The following XRCC4 variants were observed in gnomAD, a reference collection of about 807,000 sequenced individuals.
XRCC4 encodes X-ray repair cross complementing 4, also known as DNA repair protein XRCC4.
XRCC4 carries 28 observed loss-of-function variants against 39.1 expected under a neutral mutation model. That is an observed-to-expected ratio of 0.72 (90% CI 0.53 to 0.98). XRCC4 has a LOEUF of 0.98. Among genes scored for constraint, XRCC4 ranks in the 50% least tolerant of loss-of-function variants. The probability of loss-of-function intolerance (pLI) is 0.00; values close to 1 mark genes in which losing one functional copy is unlikely to be tolerated. For missense variants in XRCC4, 350 were observed against 376.4 expected, an observed-to-expected ratio of 0.93 and a Z score of 0.58; for synonymous variants, 123 against 126.4, an observed-to-expected ratio of 0.97 and a Z score of 0.18.
At chr5:83,111,998 A>G (rs764575619) in intron 3 of XRCC4, among the ~76,000 whole-genome samples, 5 of 152,216 alleles carry the variant, frequency 3.3e-5, no homozygotes, top group Admixed American at 2.6e-4. Flanking sequence ...ATTCTTTTAA[A>G]TCAACCTTTT....
chr5:83,313,853 C>T (rs1471965102), intron 7 of XRCC4, among the ~76,000 whole-genome samples: 2 of 152,088 alleles, frequency 1.3e-5, no homozygotes, highest in Non-Finnish European at 2.9e-5. Flanking sequence ...TAGACCATAT[C>T]AGTCTCTAAA....
chr5:83,145,956 A>C (rs1003001781), intron 3 of XRCC4, among the ~76,000 whole-genome samples: 4 of 151,930 alleles, frequency 2.6e-5, no homozygotes, highest in Non-Finnish European at 4.4e-5. Context: ...CTAAAAGCAG[A>C]GCTCTATACT....
chr5:83,125,399 G>T (rs1747210210), intron 3 of XRCC4, among the ~76,000 whole-genome samples: 1 of 151,994 alleles, frequency 6.6e-6, no homozygotes, highest in Admixed American at 6.6e-5. Context: ...TTCTTTTAAA[G>T]GTTTTGTAGT....
chr5:83,223,974 A>G (rs1247473383), intron 6 of XRCC4, among the ~76,000 whole-genome samples: 1 of 151,636 alleles, frequency 6.6e-6, no homozygotes, highest in Non-Finnish European at 1.5e-5. Flanking sequence ...GCTGCATAGT[A>G]TTCTATGGTG....
At chr5:83,142,361 A>G (rs75320148) in intron 3 of XRCC4, among the ~76,000 whole-genome samples, 30 of 151,890 alleles carry the variant, frequency 2.0e-4, no homozygotes, top group East Asian at 1.2e-3. Flanking sequence ...TAATTTGTCT[A>G]CAGCCAAATA....
intron 7 of XRCC4, among the ~76,000 whole-genome samples, chr5:83,267,413 A>G (rs1017864642): frequency 1.7e-4 from 26 of 152,162 alleles, no homozygotes; most frequent in Non-Finnish European, 2.9e-5. Context: ...CTATCAACCT[A>G]GAGGCTACAA....
At chr5:83,089,096 C>T (rs1165005597) in intron 1 of XRCC4, among the ~76,000 whole-genome samples, 2 of 152,204 alleles carry the variant, frequency 1.3e-5, no homozygotes, top group African/African-American at 4.8e-5. Context: ...TAACTAAGTG[C>T]TATCAGACAC....
chr5:83,124,550 G>T (rs969729311), intron 3 of XRCC4, among the ~76,000 whole-genome samples: 10 of 152,094 alleles, frequency 6.6e-5, no homozygotes, highest in African/African-American at 2.4e-4. Context: ...CCTTTAGGTT[G>T]TTTCCACTTT....
chr5:83,242,114 A>T (rs1356133937), intron 6 of XRCC4, among the ~76,000 whole-genome samples: 1 of 151,032 alleles, frequency 6.6e-6, no homozygotes, highest in Non-Finnish European at 1.5e-5. Flanking sequence ...GTATAAATGG[A>T]TCCTCACAGT....
chr5:83,145,183 C>T (rs1271278794), intron 3 of XRCC4, among the ~76,000 whole-genome samples: 3 of 152,208 alleles, frequency 2.0e-5, no homozygotes, highest in Non-Finnish European at 4.4e-5. Context: ...GCATGAACCA[C>T]CACGCTCGGC....
chr5:83,204,265 A>G (rs1177549255), intron 5 of XRCC4, among the ~76,000 whole-genome samples: 3 of 152,170 alleles, frequency 2.0e-5, no homozygotes, highest in Non-Finnish European at 4.4e-5. Context: ...AGCAAATACA[A>G]GTTAGGGTCT....
chr5:83,217,093 C>T (rs1580383017), intron 6 of XRCC4, among the ~76,000 whole-genome samples: 1 of 151,986 alleles, frequency 6.6e-6, no homozygotes, highest in African/African-American at 2.4e-5. Flanking sequence ...GTAGCTCACA[C>T]CTGTAATTCC....
the XRCC4 span, among the ~76,000 whole-genome samples, chr5:83,365,854 C>T: frequency 6.6e-6 from 1 of 152,176 alleles, no homozygotes. Flanking sequence ...TTCTTGGAGA[C>T]TTGGTGACAA....
At position 83,214,847 on chromosome 5, in the gene XRCC4, AATAAT is replaced by A. The variant is rs1561409441; in HGVS notation, c.745+9928_745+9932del. Among the ~76,000 whole-genome samples, 3 of 133,276 alleles carry A rather than the reference AATAAT, an allele frequency of 2.3e-5. 1 individual carries two copies. The highest frequency in any genetic ancestry group is 3.3e-5 in the Non-Finnish European group (2 of 60,300). 87.4% of individuals were successfully genotyped at this position (133,276 alleles called of 152,430 possible). ...GCAAGACTCCTTCTCAAAAAAAAAA[AATAAT>A]AATAATAAAAATACAGAATAAAGAA... On this transcript the variant is annotated intron_variant, in intron 6 of 7. Coordinates refer to ENST00000396027, the MANE Select transcript of XRCC4 (RefSeq NM_003401.5).
At chr5:83,114,287 T>A (rs892994088) in intron 3 of XRCC4, among the ~76,000 whole-genome samples, 1 of 152,214 alleles carries the variant, frequency 6.6e-6, no homozygotes. Flanking sequence ...TCCTTATTAC[T>A]TATGCAAATT....
chr5:83,149,968 G>A (rs1748629736), intron 3 of XRCC4, among the ~76,000 whole-genome samples: 1 of 152,076 alleles, frequency 6.6e-6, no homozygotes, highest in Non-Finnish European at 1.5e-5. Context: ...TTACTTAGAA[G>A]AGAATTTTTC....
At chr5:83,273,053 A>G (rs1228603285) in intron 7 of XRCC4, among the ~76,000 whole-genome samples, 1 of 152,218 alleles carries the variant, frequency 6.6e-6, no homozygotes, top group Non-Finnish European at 1.5e-5. Flanking sequence ...ACAGTGTCAA[A>G]GCATTCCTAT....
intron 6 of XRCC4, among the ~76,000 whole-genome samples, chr5:83,254,884 C>T (rs905562466): frequency 2.0e-5 from 3 of 151,986 alleles, no homozygotes; most frequent in Non-Finnish European, 2.9e-5. Context: ...CTCAGTAGTT[C>T]AAGACCAGTC....
intron 7 of XRCC4, among the ~76,000 whole-genome samples, chr5:83,347,158 A>G (rs925756232): frequency 6.6e-6 from 1 of 152,184 alleles, no homozygotes; most frequent in Admixed American, 6.5e-5. Flanking sequence ...TTCAACATGA[A>G]AATACATCTC....
Sources: allele counts gnomAD v4.1 joint callset (sites outside exome capture counted in the v4.1 genomes callset), GRCh38; gene constraint gnomAD v4.1.1; transcripts MANE v1.5; gene names NCBI Gene and HGNC (gene_info 2026-07-23, HGNC 2026-07-21).